RBFOX2: variants seen among roughly 807,000 people sequenced by gnomAD.
RBFOX2 encodes RNA binding protein fox-1 homolog 2.
A neutral mutation model predicts 49.1 loss-of-function variants in RBFOX2; 10 were observed. That is an observed-to-expected ratio of 0.20 (90% CI 0.13 to 0.35). RBFOX2 has a LOEUF of 0.35. Ranked by LOEUF, RBFOX2 falls within the 10% of genes least tolerant of loss-of-function variation. The pLI, the probability that RBFOX2 is intolerant of heterozygous loss-of-function variation, is 1.00. For missense variants in RBFOX2, 323 were observed against 486.9 expected (o/e 0.66, Z 3.17); for synonymous variants, 183 against 187.4 (o/e 0.98, Z 0.19).
At chr22:35,825,602 T>C (rs971611077) in intron 1 of RBFOX2, among the ~76,000 whole-genome samples, 9 of 152,206 alleles carry the variant, frequency 5.9e-5, no homozygotes, top group African/African-American at 2.2e-4. Flanking sequence ...TGACCTTAGA[T>C]GAGTAACTTA....
At chr22:35,809,357 T>C (rs1488264354) in intron 2 of RBFOX2, among the ~76,000 whole-genome samples, 1 of 152,088 alleles carries the variant, frequency 6.6e-6, no homozygotes, top group Non-Finnish European at 1.5e-5. Context: ...GTTTTAGAGT[T>C]ATGGTTGTCA....
At chr22:35,862,561 C>T (rs931010374) in intron 1 of RBFOX2, among the ~76,000 whole-genome samples, 5 of 152,124 alleles carry the variant, frequency 3.3e-5, no homozygotes, top group Non-Finnish European at 7.4e-5. Context: ...GACATATCAT[C>T]GTTTCTGTCT....
chr22:35,785,122 C>T (rs950431222), intron 2 of RBFOX2, among the ~76,000 whole-genome samples: 2 of 152,144 alleles, frequency 1.3e-5, no homozygotes, highest in Admixed American at 6.5e-5. Flanking sequence ...CTCAGCCTCC[C>T]GAATGGCTGG....
chr22:35,919,619 A>ATGG (rs1161565674), intron 1 of RBFOX2, among the ~76,000 whole-genome samples: 1 of 152,144 alleles, frequency 6.6e-6, no homozygotes, highest in African/African-American at 2.4e-5. Context: ...GACTGTGGTG[A>ATGG]TGGTGATGGC....
chr22:35,868,253 A>C (rs752145636), intron 1 of RBFOX2, among the ~76,000 whole-genome samples: 53 of 152,292 alleles, frequency 3.5e-4, no homozygotes, highest in Non-Finnish European at 3.4e-4. Context: ...TATAAAAACC[A>C]GTTTTTATAT....
intron 1 of RBFOX2, among the ~76,000 whole-genome samples, chr22:35,897,116 C>CT (rs970509212): frequency 7.3e-5 from 11 of 151,634 alleles, no homozygotes; most frequent in East Asian, 1.9e-4. Flanking sequence ...GACACTCATT[C>CT]TTTTTTTTTC....
chr22:35,970,985 A>G (rs2150009205), intron 1 of RBFOX2, among the ~76,000 whole-genome samples: 1 of 152,300 alleles, frequency 6.6e-6, no homozygotes, highest in Non-Finnish European at 1.5e-5. Context: ...GAAGCAAAAT[A>G]GAAAATCAAG....
chr22:35,981,208 T>C (rs1603461621), intron 1 of RBFOX2, among the ~76,000 whole-genome samples: 1 of 152,196 alleles, frequency 6.6e-6, no homozygotes, highest in Non-Finnish European at 1.5e-5. Flanking sequence ...ACAAAAAATA[T>C]GCAGAGCAAC....
chr22:35,791,797 T>A (rs916347045), intron 2 of RBFOX2, among the ~76,000 whole-genome samples: 6 of 152,128 alleles, frequency 3.9e-5, no homozygotes, highest in African/African-American at 1.4e-4. Flanking sequence ...TTATTTCGAA[T>A]GGGAGGGGGT....
chr22:36,000,309 G>A (rs1020111524), intron 1 of RBFOX2: 1 of 152,020 alleles, frequency 6.6e-6, no homozygotes, highest in African/African-American at 2.4e-5. Flanking sequence ...CCCAAAAGTT[G>A]TATTTCTTAT....
intron 1 of RBFOX2, among the ~76,000 whole-genome samples, chr22:35,874,520 T>C (rs2044766165): frequency 6.6e-6 from 1 of 152,034 alleles, no homozygotes; most frequent in Non-Finnish European, 1.5e-5. Flanking sequence ...AAAGGAAATT[T>C]GACATAACAA....
At chr22:35,932,945 TAACA>T (rs2052600879) in intron 1 of RBFOX2, among the ~76,000 whole-genome samples, 3 of 152,184 alleles carry the variant, frequency 2.0e-5, no homozygotes, top group Admixed American at 6.5e-5. Flanking sequence ...TAAGTTATTT[TAACA>T]AACAAGATAG....
intron 1 of RBFOX2, among the ~76,000 whole-genome samples, chr22:35,816,154 T>C (rs1416641001): frequency 6.6e-6 from 1 of 152,170 alleles, no homozygotes; most frequent in Non-Finnish European, 1.5e-5. Context: ...GACAAAACAA[T>C]GCTCATTTGC....
chr22:35,938,678 A>T (rs1264486238), intron 1 of RBFOX2, among the ~76,000 whole-genome samples, 169 bp downstream of exon 2: 1 of 152,208 alleles, frequency 6.6e-6, no homozygotes, highest in African/African-American at 2.4e-5. Flanking sequence ...ATACTTATAG[A>T]ATTTAAAAAT....
chr22:35,861,200 G>A (rs935197975), intron 1 of RBFOX2, among the ~76,000 whole-genome samples: 1 of 152,160 alleles, frequency 6.6e-6, no homozygotes, highest in African/African-American at 2.4e-5. Context: ...AAATGTAAAA[G>A]ATAAAACTGT....
chr22:35,968,501 A>AG (rs11383551), intron 1 of RBFOX2, among the ~76,000 whole-genome samples: 134,852 of 152,184 alleles, frequency 0.89, 60,023 homozygotes, highest in African/African-American at 0.96. Flanking sequence ...CTCTGTCAGT[A>AG]AGCTTAAGAG....
chr22:35,898,204 C>A lies in RBFOX2; in HGVS notation c.-34+40643G>T, dbSNP rs564838671. ...GCGTCCAAGGTGGTTGACAACACATCGGCCCAGGAATCCTGTTGCTCCAAA... is the reference window on the plus strand; with the variant it reads ...GCGTCCAAGGTGGTTGACAACACATAGGCCCAGGAATCCTGTTGCTCCAAA... On this transcript the variant is annotated intron_variant, in intron 1 of 13. Coordinates refer to the RBFOX2 transcript ENST00000359369. The A allele has an allele frequency of 5.3e-6, 4 of 755,430 alleles. No homozygotes were observed. In the Admixed American group the frequency reaches 7.0e-5, roughly 13 times the overall value. 46.8% of individuals were successfully genotyped at this position (755,430 alleles called of 1,614,324 possible).
At chr22:35,893,308 T>A (rs1014823196) in intron 1 of RBFOX2, among the ~76,000 whole-genome samples, 4 of 152,018 alleles carry the variant, frequency 2.6e-5, no homozygotes, top group African/African-American at 7.2e-5. Context: ...GTTCCAGGGT[T>A]AATAAGTAAA....
At chr22:35,744,243 A>C (rs1931368389) in exon 12 of RBFOX2, 1 of 1,611,702 alleles carries the variant, frequency 6.2e-7, no homozygotes, top group Admixed American at 1.7e-5. Flanking sequence ...CCTCGGTATA[A>C]ACTCGCCTGC....
Sources: allele counts gnomAD v4.1 joint callset (sites outside exome capture counted in the v4.1 genomes callset), GRCh38; gene constraint gnomAD v4.1.1; transcripts MANE v1.5; gene names NCBI Gene and HGNC (gene_info 2026-07-23, HGNC 2026-07-21).